Variants in SCFD2 observed in about 807,000 individuals in gnomAD.
SCFD2 encodes the protein sec1 family domain-containing protein 2.
In SCFD2, 54 loss-of-function variants were observed where a neutral mutation model predicts 58.9. The observed-to-expected ratio is 0.92, with a 90% CI of 0.74 to 1.15. The LOEUF (loss-of-function observed/expected upper bound fraction) is 1.15, where lower values mean the gene tolerates loss of function less well. Among genes scored for constraint, SCFD2 ranks in the 50% most tolerant of loss-of-function variants. SCFD2 has a pLI of 0.00. For missense variants in SCFD2, 805 were observed against 836.6 expected (o/e 0.96, Z 0.47); for synonymous variants, 321 against 335.9 (o/e 0.96, Z 0.49).
intron 5 of SCFD2, among the ~76,000 whole-genome samples, chr4:53,114,260 T>C (rs1242577191): frequency 1.3e-5 from 2 of 152,132 alleles, no homozygotes; most frequent in African/African-American, 4.8e-5. Flanking sequence ...ATACTACACA[T>C]AGTATTAACA....
chr4:53,295,731 G>A (rs1732005592), intron 3 of SCFD2, among the ~76,000 whole-genome samples: 1 of 152,100 alleles, frequency 6.6e-6, no homozygotes, highest in Non-Finnish European at 1.5e-5. Context: ...CAAAGGAAAT[G>A]CTTCCAGTTT....
intron 2 of SCFD2, among the ~76,000 whole-genome samples, chr4:53,343,926 A>G (rs1489023606): frequency 1.3e-5 from 2 of 152,228 alleles, no homozygotes; most frequent in African/African-American, 2.4e-5. Context: ...AAAACTCTCA[A>G]TAAATTAGGT....
intron 2 of SCFD2, among the ~76,000 whole-genome samples, chr4:53,341,246 G>A (rs1733861701): frequency 6.6e-6 from 1 of 152,186 alleles, no homozygotes; most frequent in Non-Finnish European, 1.5e-5. Context: ...AATAACCAGT[G>A]TAGAGAAGTA....
chr4:53,299,083 A>C (rs1478402128), intron 3 of SCFD2, among the ~76,000 whole-genome samples: 1 of 152,206 alleles, frequency 6.6e-6, no homozygotes, highest in East Asian at 1.9e-4. Flanking sequence ...CAATGGAACA[A>C]AGCTGGACGG....
intron 5 of SCFD2, among the ~76,000 whole-genome samples, chr4:53,129,135 C>T (rs2148898188): frequency 6.6e-6 from 1 of 152,354 alleles, no homozygotes; most frequent in Non-Finnish European, 1.5e-5. Flanking sequence ...TGCACCTCAT[C>T]AGTTTCCTCT....
At chr4:52,926,520 C>A (rs780522427) in intron 5 of SCFD2, among the ~76,000 whole-genome samples, 3 of 152,162 alleles carry the variant, frequency 2.0e-5, no homozygotes, top group Non-Finnish European at 4.4e-5. Flanking sequence ...AAAAGTCTCC[C>A]TATTTACTGA....
At chr4:52,970,222 C>T (rs750542951) in intron 5 of SCFD2, among the ~76,000 whole-genome samples, 2 of 152,316 alleles carry the variant, frequency 1.3e-5, no homozygotes, top group African/African-American at 2.4e-5. Flanking sequence ...GGCGAGGCAT[C>T]GCCTCACCCG....
intron 2 of SCFD2, among the ~76,000 whole-genome samples, chr4:53,316,300 C>T (rs1286382238): frequency 1.3e-5 from 2 of 152,186 alleles, no homozygotes; most frequent in Admixed American, 1.3e-4. Flanking sequence ...GCTAATTCTT[C>T]ACTACCTAGA....
intron 2 of SCFD2, among the ~76,000 whole-genome samples, chr4:53,335,360 C>G (rs1471886329): frequency 6.6e-6 from 1 of 152,072 alleles, no homozygotes; most frequent in Non-Finnish European, 1.5e-5. Flanking sequence ...CTGTATTCTT[C>G]AAAACTTTTG....
chr4:53,213,436 G>C (rs926165956), intron 4 of SCFD2, among the ~76,000 whole-genome samples: 4 of 152,084 alleles, frequency 2.6e-5, no homozygotes, highest in Non-Finnish European at 2.9e-5. Flanking sequence ...AAAGGGGTCT[G>C]AAATTAAAAC....
chr4:53,323,517 C>G (rs1464696682), intron 2 of SCFD2, among the ~76,000 whole-genome samples: 1 of 150,540 alleles, frequency 6.6e-6, no homozygotes. Context: ...GTGCATGCCA[C>G]CATGCCCAGC....
intron 8 of SCFD2, among the ~76,000 whole-genome samples, chr4:52,878,899 T>C (rs1024573857): frequency 2.0e-5 from 3 of 152,218 alleles, no homozygotes; most frequent in Admixed American, 6.5e-5. Context: ...CAGAGGTACA[T>C]AGAACCTAAA....
At chr4:52,904,866 CA>C (rs1249618801) in intron 7 of SCFD2, among the ~76,000 whole-genome samples, 1 of 152,166 alleles carries the variant, frequency 6.6e-6, no homozygotes, top group East Asian at 1.9e-4. Flanking sequence ...CGCCTGAGAA[CA>C]GAGGAGAGTA....
chr4:52,979,831 C>A (rs1335568339), intron 5 of SCFD2, among the ~76,000 whole-genome samples: 1 of 152,128 alleles, frequency 6.6e-6, no homozygotes, highest in East Asian at 1.9e-4. Flanking sequence ...GCACACCTAC[C>A]CAGGCCAGAA....
chr4:52,886,053 C>G (rs1043335296), intron 7 of SCFD2, among the ~76,000 whole-genome samples, 187 bp from the exon 8 acceptor site: 1 of 152,178 alleles, frequency 6.6e-6, no homozygotes, highest in African/African-American at 2.4e-5. Context: ...TAAAACCTAG[C>G]TACAAGTCCC....
chr4:52,974,914 T>TG lies in SCFD2; in HGVS notation c.1562-54045dup, dbSNP rs924890187. On this transcript the variant is annotated intron_variant, in intron 5 of 8. Coordinates refer to ENST00000401642, the MANE Select transcript of SCFD2 (RefSeq NM_152540.4). ...TGACAAACCTGACAAAAACAAGAAA[T>TG]GGGGAAACGATTCCCTATTTAATAA... Among the ~76,000 whole-genome samples the TG allele has an allele frequency of 4.6e-5, 7 of 152,128 alleles. No homozygotes were observed. The East Asian group carries it at 1.3e-3, about 29-fold the overall frequency.
At chr4:52,888,980 C>A (rs1383202438) in intron 7 of SCFD2, among the ~76,000 whole-genome samples, 2 of 152,148 alleles carry the variant, frequency 1.3e-5, no homozygotes, top group African/African-American at 4.8e-5. Context: ...CCCCAAAACC[C>A]TTCCTTCTCT....
chr4:53,059,762 T>C (rs1723451377), intron 5 of SCFD2, among the ~76,000 whole-genome samples: 1 of 152,154 alleles, frequency 6.6e-6, no homozygotes, highest in African/African-American at 2.4e-5. Flanking sequence ...TGGACTTCAA[T>C]AATTCTCAGA....
chr4:53,013,370 T>C (rs781471008), intron 5 of SCFD2, among the ~76,000 whole-genome samples: 1 of 152,246 alleles, frequency 6.6e-6, no homozygotes, highest in Non-Finnish European at 1.5e-5. Context: ...TGGAAGAACT[T>C]AAATAATTCC....
Sources: allele counts gnomAD v4.1 joint callset (sites outside exome capture counted in the v4.1 genomes callset), GRCh38; gene constraint gnomAD v4.1.1; transcripts MANE v1.5; gene names NCBI Gene and HGNC (gene_info 2026-07-23, HGNC 2026-07-21).